PC: variants seen among roughly 807,000 people sequenced by gnomAD.
The protein encoded by PC is pyruvate carboxylase, also known as pyruvate carboxylase, mitochondrial.
A neutral mutation model predicts 107.8 loss-of-function variants in PC; 46 were observed. That is an observed-to-expected ratio of 0.43 (90% CI 0.34 to 0.55). The LOEUF (loss-of-function observed/expected upper bound fraction) is 0.55. PC is among the 20% of genes least tolerant of loss of function. PC has a pLI of 0.04. For synonymous variants in PC, 662 were observed against 684.7 expected, an observed-to-expected ratio of 0.97 and a Z score of 0.52; for missense variants, 1,241 against 1,643.1, an observed-to-expected ratio of 0.76 and a Z score of 4.23.
intron 3 of PC, among the ~76,000 whole-genome samples, chr11:66,936,029 T>G (rs1948992854): frequency 7.0e-6 from 1 of 143,208 alleles, no homozygotes; most frequent in African/African-American, 2.6e-5. Flanking sequence ...CAGTGAGCTG[T>G]GATTGCACCA....
chr11:66,940,418 T>C (rs1469349958), intron 3 of PC, among the ~76,000 whole-genome samples: 2 of 152,092 alleles, frequency 1.3e-5, no homozygotes, highest in African/African-American at 4.8e-5. Context: ...CCAGGTGCAG[T>C]GGCTCATGTC....
Position 66,858,512 on chromosome 11 carries a change from G to A in PC, c.1369-5129C>T, listed in dbSNP as rs762107008. On this transcript the variant is annotated intron_variant, in intron 12 of 22. Coordinates refer to ENST00000393960, the MANE Select transcript of PC (RefSeq NM_001040716.2). This position sits in a 1 kb window ranked among gnomAD's most constrained non-coding sequence, Gnocchi z 5.9. The stretch of plus-strand genomic sequence containing the variant: ...TGGCGCGGCCGGACGACCTGGAAAC[G>A]TGCGCCTCCCCGCCCGGCCTGGCCG... 354 of 1,535,502 alleles carry A rather than the reference G, an allele frequency of 2.3e-4. 1 individual carries two copies. The highest frequency in any genetic ancestry group is 3.3e-4 in the Middle Eastern group (2 of 6,000).
intron 3 of PC, among the ~76,000 whole-genome samples, chr11:66,895,555 G>C (rs1000262841): frequency 1.3e-5 from 2 of 152,154 alleles, no homozygotes; most frequent in African/African-American, 2.4e-5. Context: ...GAAAACATAG[G>C]ATGCTACACA....
At position 66,866,921 on chromosome 11, in the gene PC, C is replaced by T. The variant is rs555578020; in HGVS notation, c.1023-572G>A. Among the ~76,000 whole-genome samples, 1 of 152,282 alleles carries T rather than the reference C, an allele frequency of 6.6e-6. No homozygotes were observed. Among genetic ancestry groups the T allele is most frequent in the South Asian group, 2.1e-4 (1 of 4,826 alleles). ...TGCACAGTGGGTGCTGGGTCAGGACCTGTCCTTCTGAGGCCTGTTTTCCTG... is the reference window on the plus strand; with the variant it reads ...TGCACAGTGGGTGCTGGGTCAGGACTTGTCCTTCTGAGGCCTGTTTTCCTG... On this transcript the variant is annotated intron_variant, in intron 10 of 22. Coordinates refer to ENST00000393960, the MANE Select transcript of PC (RefSeq NM_001040716.2). The surrounding 1 kb of genome is among the most constrained non-coding windows in gnomAD (Gnocchi z 5.4).
At position 66,858,722 on chromosome 11, in the gene PC, C is replaced by A; in HGVS notation, c.1368+5052G>T. The A allele has an allele frequency of 6.4e-7, 1 of 1,552,680 alleles. No individual in the cohort carries two copies. On this transcript the variant is annotated intron_variant, in intron 12 of 22. Transcript: ENST00000393960. The surrounding 1 kb of genome is among the most constrained non-coding windows in gnomAD (Gnocchi z 5.9). ...ACGACCGGTTGGTTGGCAACTCCTC[C>A]CGAGCCCGGGCTTTCCCCAACGGGA...
Position 66,871,533 on chromosome 11 carries a change from T to A in PC, c.322-53A>T. ...GTACCTTGCAGTCCCTTCCAAGGCC[T>A]CGGCCAGCCTCTTCCCCTGCCTAAC... On this transcript the variant is annotated intron_variant, in intron 5 of 22. Transcript: ENST00000393960. The surrounding 1 kb of genome is among the most constrained non-coding windows in gnomAD (Gnocchi z 7.4). 6.2e-7 allele frequency: 1 copy of A among 1,607,454 alleles called. No individual in the cohort carries two copies. The highest frequency in any genetic ancestry group is 8.5e-7 in the Non-Finnish European group (1 of 1,175,318).
intron 12 of PC, among the ~76,000 whole-genome samples, chr11:66,854,244 A>C (rs187410920): frequency 6.6e-6 from 1 of 152,170 alleles, no homozygotes; most frequent in Non-Finnish European, 1.5e-5. Context: ...AGCCACATCA[A>C]ACTTGCCTTG....
At position 66,848,774 on chromosome 11, in the gene PC, G is replaced by T; in HGVS notation, c.*125C>A. ...CCGCAGGCGGTGTCTCTCCTGTCCA[G>T]CTGTGGACAGGACCTCCACGGCCCG... On this transcript the variant is annotated 3_prime_UTR_variant, in exon 23 of 23. Coordinates refer to ENST00000393960, the MANE Select transcript of PC (RefSeq NM_001040716.2). The T allele has an allele frequency of 1.7e-6, 2 of 1,182,646 alleles. No homozygotes were observed. Among genetic ancestry groups the T allele is most frequent in the Non-Finnish European group, 2.5e-6 (2 of 805,878 alleles). The allele number at this position is 1,182,646 out of a possible 1,614,324, so 73.3% of individuals were successfully genotyped here.
chr11:66,891,366 C>T (rs1026789710), intron 3 of PC, among the ~76,000 whole-genome samples: 1 of 151,036 alleles, frequency 6.6e-6, no homozygotes, highest in East Asian at 2.0e-4. Context: ...ACCTAATAGG[C>T]AAGTTTTTTT....
chr11:66,853,974 G>A (rs1945661444), intron 12 of PC, among the ~76,000 whole-genome samples: 3 of 152,228 alleles, frequency 2.0e-5, no homozygotes, highest in Non-Finnish European at 4.4e-5. Context: ...TGCCTCCCGG[G>A]CCTTTCCTTG....
At chr11:66,926,530 C>T (rs188999430) in intron 3 of PC, among the ~76,000 whole-genome samples, 51 of 152,254 alleles carry the variant, frequency 3.3e-4, no homozygotes, top group Admixed American at 1.4e-3. Context: ...TCAACACAAC[C>T]GGGGTCTAGG....
chr11:66,895,752 T>G (rs1285396985), intron 3 of PC, among the ~76,000 whole-genome samples: 1 of 151,864 alleles, frequency 6.6e-6, no homozygotes, highest in Non-Finnish European at 1.5e-5. Flanking sequence ...ATCCAAAAAC[T>G]AAATAATAGG....
chr11:66,909,452 G>A (rs1192749794), intron 3 of PC, among the ~76,000 whole-genome samples: 3 of 152,134 alleles, frequency 2.0e-5, no homozygotes, highest in Non-Finnish European at 2.9e-5. Context: ...GCTCCCCCCC[G>A]AAGAGAAGCT....
chr11:66,890,441 C>T (rs1182927716), intron 3 of PC, among the ~76,000 whole-genome samples: 6 of 143,274 alleles, frequency 4.2e-5, no homozygotes, highest in Non-Finnish European at 6.0e-5. Context: ...GTTGCCTGGG[C>T]TGGAGTGACA....
chr11:66,921,158 G>A (rs879504674), intron 3 of PC, among the ~76,000 whole-genome samples: 9 of 152,276 alleles, frequency 5.9e-5, no homozygotes, highest in East Asian at 1.9e-4. Context: ...CCTTGGAGTC[G>A]TGAGGAAGAC....
At chr11:66,888,073 T>A (rs943587023) in intron 3 of PC, among the ~76,000 whole-genome samples, 1 of 152,234 alleles carries the variant, frequency 6.6e-6, no homozygotes, top group Non-Finnish European at 1.5e-5. Context: ...ACCTGGATGA[T>A]CCGGGATCAC....
At chr11:66,910,446 T>C (rs1466129819) in intron 3 of PC, among the ~76,000 whole-genome samples, 3 of 152,218 alleles carry the variant, frequency 2.0e-5, no homozygotes, top group East Asian at 3.9e-4. Context: ...ATGACTTCTA[T>C]GGAGCAAGAC....
intron 3 of PC, among the ~76,000 whole-genome samples, chr11:66,946,826 G>A (rs1949308698): frequency 6.6e-6 from 1 of 152,104 alleles, no homozygotes; most frequent in African/African-American, 2.4e-5. Context: ...TAGTTTAGAC[G>A]TGTGATTTTA....
chr11:66,868,742 G>A (rs1336784317), intron 10 of PC, 104 bp downstream of exon 10: 2 of 824,068 alleles, frequency 2.4e-6, no homozygotes, highest in Non-Finnish European at 4.3e-6. Context: ...CACCAATGTG[G>A]GGAGTGAGCA....
Sources: gnomAD v4.1 joint callset for allele counts (sites outside exome capture counted in the v4.1 genomes callset) on GRCh38, gnomAD v4.1.1 for gene constraint, Gnocchi (gnomAD v3.1) non-coding constraint, MANE v1.5 for transcripts, NCBI Gene and HGNC (gene_info 2026-07-23, HGNC 2026-07-21) for gene names.